GOLPH3: variants seen among roughly 807,000 people sequenced by gnomAD.
The protein encoded by GOLPH3 is golgi phosphoprotein 3.
A neutral mutation model predicts 28.5 loss-of-function variants in GOLPH3; 14 were observed. The ratio of observed to expected loss-of-function variants is 0.49; its 90% CI spans 0.32 to 0.77. The LOEUF (loss-of-function observed/expected upper bound fraction) is 0.77, where lower values mean the gene tolerates loss of function less well. GOLPH3 is among the 30% of genes least tolerant of loss of function. The pLI is 0.03. For synonymous variants in GOLPH3, 158 were observed against 159.2 expected (o/e 0.99, Z 0.06); for missense variants, 350 against 393.7 (o/e 0.89, Z 0.94).
chr5:32,135,005 T>C (rs1172242964), intron 3 of GOLPH3, among the ~76,000 whole-genome samples: 1 of 152,236 alleles, frequency 6.6e-6, no homozygotes, highest in African/African-American at 2.4e-5. Flanking sequence ...CTCCCTAAGG[T>C]TGCACTTCCC....
intron 1 of GOLPH3, among the ~76,000 whole-genome samples, chr5:32,151,439 G>A (rs1746304856): frequency 6.6e-6 from 1 of 152,132 alleles, no homozygotes; most frequent in Admixed American, 6.5e-5. Context: ...GAGCCTGGGA[G>A]GTTGAGGCTG....
At chr5:32,142,776 G>C (rs1443905715) in intron 2 of GOLPH3, among the ~76,000 whole-genome samples, 6 of 148,974 alleles carry the variant, frequency 4.0e-5, no homozygotes, top group Admixed American at 4.0e-4. Context: ...CCCCTACTGG[G>C]AAGTGAGGAG....
chr5:32,162,445 T>C lies in GOLPH3; in HGVS notation c.225+11365A>G, dbSNP rs990159363. Among the ~76,000 whole-genome samples the C allele has an allele frequency of 3.3e-5, 5 of 151,372 alleles. 1 individual carries two copies. Among genetic ancestry groups the C allele is most frequent in the African/African-American group, 7.3e-5 (3 of 41,090 alleles). ...AGGCGGAGCTTGCGGTGAGCAGAGA[T>C]TGGGCCACTGCACTCCAGCCTAGGC... On this transcript the variant is annotated intron_variant, in intron 1 of 3. Transcript: ENST00000265070.
intron 1 of GOLPH3, among the ~76,000 whole-genome samples, chr5:32,145,560 C>A (rs1746167387): frequency 6.6e-6 from 1 of 152,214 alleles, no homozygotes. Flanking sequence ...CCTCTACAAA[C>A]TGTAAACAAC....
chr5:32,127,939 A>G (rs981026288), intron 3 of GOLPH3, among the ~76,000 whole-genome samples: 4 of 152,062 alleles, frequency 2.6e-5, no homozygotes, highest in African/African-American at 9.7e-5. Flanking sequence ...GGCACGTCCC[A>G]GGCAGCAGAG....
At chr5:32,169,006 G>A (rs1209435003) in intron 1 of GOLPH3, among the ~76,000 whole-genome samples, 1 of 151,998 alleles carries the variant, frequency 6.6e-6, no homozygotes, top group Non-Finnish European at 1.5e-5. Flanking sequence ...AGGTGCGGTG[G>A]CTCATGCCTC....
chr5:32,144,110 G>A (rs1185717395), intron 1 of GOLPH3, among the ~76,000 whole-genome samples: 1 of 152,136 alleles, frequency 6.6e-6, no homozygotes, highest in Non-Finnish European at 1.5e-5. Flanking sequence ...TAACTTTAGA[G>A]GTCATAAGTT....
rs1308078258 is a variant in GOLPH3 at position 32,174,100 on chromosome 5, C to T, written c.-66G>A. The T allele has an allele frequency of 9.1e-7, 1 of 1,100,270 alleles. No individual in the cohort carries two copies. Among genetic ancestry groups the T allele is most frequent in the East Asian group, 3.3e-5 (1 of 29,934 alleles). 68.2% of individuals were successfully genotyped at this position (1,100,270 alleles called of 1,614,324 possible). ...GGACCGACCGGGTCGCCCTCCTCCT[C>T]CCCGCGCGGCCTCCGATCCGGGTTT... On this transcript the variant is annotated 5_prime_UTR_variant, in exon 1 of 4. Coordinates refer to ENST00000265070, the MANE Select transcript of GOLPH3 (RefSeq NM_022130.4).
rs544989411 is a variant in GOLPH3, at chr5:32,146,686, C to A, written c.226-2806G>T. ...AAAATATTTTGTATAAAGATCATAA[C>A]AGGGATATAACCGGAAGTATAAGAT... is the stretch of plus-strand genomic sequence containing the variant. On this transcript the variant is annotated intron_variant, in intron 1 of 3. Transcript: ENST00000265070. Among the ~76,000 whole-genome samples the A allele has an allele frequency of 2.0e-5, 3 of 152,242 alleles. No homozygotes were observed. The East Asian group carries it at 5.8e-4, about 29-fold the overall frequency.
At chr5:32,140,999 C>T (rs1400306722) in intron 2 of GOLPH3, among the ~76,000 whole-genome samples, 1 of 151,740 alleles carries the variant, frequency 6.6e-6, no homozygotes, top group Non-Finnish European at 1.5e-5. Flanking sequence ...CCCATCTCTA[C>T]AAAACATACA....
chr5:32,155,899 G>A (rs570976657), intron 1 of GOLPH3, among the ~76,000 whole-genome samples: 5 of 135,390 alleles, frequency 3.7e-5, no homozygotes, highest in Admixed American at 1.7e-4. Flanking sequence ...GGAGGTTGCC[G>A]TGAACCAACA....
At chr5:32,166,158 G>A (rs1434463127) in intron 1 of GOLPH3, among the ~76,000 whole-genome samples, 2 of 152,190 alleles carry the variant, frequency 1.3e-5, no homozygotes, top group Non-Finnish European at 2.9e-5. Context: ...AAAGGAATAT[G>A]TAAATCAAAT....
chr5:32,127,349 C>T (rs1745705057), intron 3 of GOLPH3, among the ~76,000 whole-genome samples: 1 of 152,158 alleles, frequency 6.6e-6, no homozygotes, highest in Non-Finnish European at 1.5e-5. Flanking sequence ...TCCAAATGAT[C>T]TCCAATGAAC....
At chr5:32,158,668 C>T (rs1746508698) in intron 1 of GOLPH3, among the ~76,000 whole-genome samples, 1 of 152,164 alleles carries the variant, frequency 6.6e-6, no homozygotes, top group South Asian at 2.1e-4. Flanking sequence ...CTTCTGCTGC[C>T]TATTCCTCCA....
chr5:32,132,518 G>A (rs948112156), intron 3 of GOLPH3, among the ~76,000 whole-genome samples: 2 of 152,070 alleles, frequency 1.3e-5, no homozygotes, highest in Non-Finnish European at 2.9e-5. Context: ...GAACCATACT[G>A]TCAAACTCTC....
At chr5:32,155,891 AGGTTGCCGTGAACCAACATT>A (rs1746409725) in intron 1 of GOLPH3, among the ~76,000 whole-genome samples, 1 of 129,016 alleles carries the variant, frequency 7.8e-6, no homozygotes, top group Non-Finnish European at 1.6e-5. Context: ...CAGGAGGCGG[AGGTTGCCGTGAACCAACATT>A]GAGCCACTGC....
chr5:32,130,003 A>G (rs986141656), intron 3 of GOLPH3, among the ~76,000 whole-genome samples: 1 of 152,050 alleles, frequency 6.6e-6, no homozygotes, highest in Admixed American at 6.6e-5. Context: ...CACCATGCCC[A>G]GCTAATTTTT....
intron 1 of GOLPH3, among the ~76,000 whole-genome samples, chr5:32,171,635 G>A (rs1746839592): frequency 6.6e-6 from 1 of 151,592 alleles, no homozygotes; most frequent in Admixed American, 6.6e-5. Flanking sequence ...CTATAATAAT[G>A]TTATTTTTGT....
At chr5:32,132,526 C>G (rs1020904527) in intron 3 of GOLPH3, among the ~76,000 whole-genome samples, 1 of 152,190 alleles carries the variant, frequency 6.6e-6, no homozygotes, top group African/African-American at 2.4e-5. Flanking sequence ...CTGTCAAACT[C>G]TCATCTGTTC....
Sources: gnomAD v4.1 joint callset for allele counts (sites outside exome capture counted in the v4.1 genomes callset) on GRCh38, gnomAD v4.1.1 for gene constraint, MANE v1.5 for transcripts, NCBI Gene and HGNC (gene_info 2026-07-23, HGNC 2026-07-21) for gene names.